Variants in KIAA0930 observed in about 807,000 individuals in gnomAD.
KIAA0930 encodes the protein uncharacterized protein KIAA0930.
In KIAA0930, 24 loss-of-function variants were observed where a neutral mutation model predicts 43.9. The ratio of observed to expected loss-of-function variants is 0.55; its 90% confidence interval spans 0.40 to 0.77. The LOEUF (loss-of-function observed/expected upper bound fraction) is 0.77, where lower values mean the gene tolerates loss of function less well. Among genes scored for constraint, KIAA0930 ranks in the 30% least tolerant of loss-of-function variants. KIAA0930 has a pLI of 0.00. For synonymous variants in KIAA0930, 259 were observed against 216.4 expected (o/e 1.20, Z -1.73); for missense variants, 461 against 574.2 (o/e 0.80, Z 2.02).
At chr22:45,204,851 G>A (rs1372097592) in intron 5 of KIAA0930, among the ~76,000 whole-genome samples, 4 of 152,018 alleles carry the variant, frequency 2.6e-5, no homozygotes, top group Non-Finnish European at 5.9e-5. Context: ...CAGTGCAGGC[G>A]TGGAGGCGCT....
Position 45,219,582 on chromosome 22 carries a change from G to GTT in KIAA0930, c.65-7477_65-7476dup, listed in dbSNP as rs535482000. Among the ~76,000 whole-genome samples the GTT allele has an allele frequency of 4.5e-3, 278 of 61,204 alleles. 28 individuals carry two copies. The highest frequency in any genetic ancestry group is 0.014 in the East Asian group (24 of 1,728). The allele number at this position is 61,204 out of a possible 152,430, so 40.2% of individuals were successfully genotyped here. ...TAACACAGCAGGCCAAGAGGTGATT[G>GTT]TTTTTTTTTTTTTTTTTTTTTTTTT... On this transcript the variant is annotated intron_variant, in intron 1 of 9. Transcript: ENST00000336156.
chr22:45,227,993 A>T (rs746401899), intron 1 of KIAA0930, among the ~76,000 whole-genome samples: 1 of 152,216 alleles, frequency 6.6e-6, no homozygotes, highest in Non-Finnish European at 1.5e-5. Flanking sequence ...GCATGGTCTC[A>T]GGGATGGCCC....
chr22:45,235,407 A>G (rs2083881517), intron 1 of KIAA0930: 1 of 152,258 alleles, frequency 6.6e-6, no homozygotes, highest in Non-Finnish European at 1.5e-5. Flanking sequence ...CAGTCCCAGG[A>G]ACGGGTAGAG....
intron 1 of KIAA0930, chr22:45,212,469 A>T: frequency 6.9e-7 from 1 of 1,446,498 alleles, no homozygotes; most frequent in Non-Finnish European, 9.1e-7. Context: ...GAAGCCGGGA[A>T]GGCTTGGCTG....
At chr22:45,223,544 T>C (rs1244492079) in intron 1 of KIAA0930, among the ~76,000 whole-genome samples, 2 of 152,126 alleles carry the variant, frequency 1.3e-5, no homozygotes, top group African/African-American at 4.8e-5. Flanking sequence ...GCCTTTAAAA[T>C]TGTGCTGGCA....
chr22:45,197,986 T>C, intron 8 of KIAA0930, 38 bp from the exon 9 acceptor site: 1 of 1,609,452 alleles, frequency 6.2e-7, no homozygotes, highest in South Asian at 1.1e-5. Context: ...CCCCACAGCA[T>C]GGGACGCGGC....
At chr22:45,217,360 CAAAAAAAAAA>C (rs58492110) in intron 1 of KIAA0930, among the ~76,000 whole-genome samples, 29 of 68,736 alleles carry the variant, frequency 4.2e-4, no homozygotes, top group Middle Eastern at 8.1e-3. Flanking sequence ...GACCCCGTCT[CAAAAAAAAAA>C]AAAAAAAAAA....
chr22:45,193,338 A>T lies in KIAA0930; in HGVS notation c.*3838T>A, dbSNP rs1345560402. 7.9e-5 allele frequency: 12 copies of T among 152,236 alleles called. No homozygotes were observed. Among genetic ancestry groups the T allele is most frequent in the Admixed American group, 7.2e-4 (11 of 15,282 alleles). 9.4% of individuals were successfully genotyped at this position (152,236 alleles called of 1,614,324 possible). On this transcript the variant is annotated 3_prime_UTR_variant, in exon 10 of 10. Transcript: ENST00000336156. Reference sequence around the variant, plus strand: ...ATGTCTTTAAAGGATTTTGGCCAACAACTTAAAACCACCATATTAGGACAT... The same window carrying T: ...ATGTCTTTAAAGGATTTTGGCCAACTACTTAAAACCACCATATTAGGACAT...
Position 45,199,903 on chromosome 22 carries a change from C to A in KIAA0930, c.985G>T (p.Glu329Ter). 6.3e-7 allele frequency: 1 copy of A among 1,597,220 alleles called. No individual in the cohort carries two copies. Among genetic ancestry groups the A allele is most frequent in the Non-Finnish European group, 8.6e-7 (1 of 1,168,530 alleles). Residue 329 changes from glutamate (E) to a stop codon, truncating the protein, a stop_gained, in exon 8 of 10, where the codon GAG becomes TAG. Coordinates refer to ENST00000336156, the MANE Select transcript of KIAA0930 (RefSeq NM_001009880.2). LOFTEE classifies it high-confidence loss of function. ...CCGTCGTCCTCCCGGAAGAACTCCTCGCTGTCGTTGGCCGAGTGCGACTTC... is the reference window on the plus strand; with the variant it reads ...CCGTCGTCCTCCCGGAAGAACTCCTAGCTGTCGTTGGCCGAGTGCGACTTC... ...MKKSHSANDSEEFFREDDGGA... is the reference protein window; with the variant it reads ...MKKSHSANDS
At chr22:45,209,680 G>A (rs958491232) in intron 2 of KIAA0930, among the ~76,000 whole-genome samples, 13 of 152,274 alleles carry the variant, frequency 8.5e-5, no homozygotes, top group Non-Finnish European at 1.6e-4. Context: ...TGGCCATACC[G>A]TCTGTCTATC....
intron 8 of KIAA0930, among the ~76,000 whole-genome samples, chr22:45,199,131 G>A (rs1248302806): frequency 1.3e-5 from 2 of 152,172 alleles, no homozygotes; most frequent in Non-Finnish European, 2.9e-5. Flanking sequence ...AGAGACTGCT[G>A]AGTGGCATTT....
intron 1 of KIAA0930, among the ~76,000 whole-genome samples, chr22:45,214,600 G>A (rs755529565): frequency 1.1e-4 from 16 of 152,144 alleles, no homozygotes; most frequent in South Asian, 6.2e-4. Flanking sequence ...TCACAGGTGC[G>A]TATAACCATC....
At chr22:45,212,555 C>G in intron 1 of KIAA0930, 1 of 1,397,476 alleles carries the variant, frequency 7.2e-7, no homozygotes, top group Non-Finnish European at 9.3e-7. Context: ...TGCGGCAGTC[C>G]CAGCGGGAAC....
intron 2 of KIAA0930, chr22:45,211,464 G>A (rs1312929174): frequency 1.0e-5 from 4 of 400,424 alleles, no homozygotes; most frequent in Admixed American, 4.3e-5. Context: ...CCACCCTGTC[G>A]AGTTGTTGGG....
intron 8 of KIAA0930, 127 bp from the exon 9 acceptor site, chr22:45,198,075 C>T (rs2083553667): frequency 1.2e-6 from 1 of 853,016 alleles, no homozygotes; most frequent in Non-Finnish European, 1.8e-6. Context: ...ACCAACACCC[C>T]CACACCAGCA....
intron 2 of KIAA0930, among the ~76,000 whole-genome samples, chr22:45,207,924 C>A (rs1404844574): frequency 6.6e-6 from 1 of 152,246 alleles, no homozygotes; most frequent in Non-Finnish European, 1.5e-5. Flanking sequence ...CTCTGCTGTT[C>A]CTCCTGGTCT....
Position 45,197,047 on chromosome 22 carries a change from T to G in KIAA0930, c.*129A>C. 1 of 755,924 alleles carries G rather than the reference T, an allele frequency of 1.3e-6. No homozygotes were observed. Among genetic ancestry groups the G allele is most frequent in the South Asian group, 2.1e-5 (1 of 48,066 alleles). The allele number at this position is 755,924 out of a possible 1,614,324, so 46.8% of individuals were successfully genotyped here. A position where few individuals can be genotyped will look rare whatever the true frequency, so the allele number is the denominator to read the frequency against. ...GTCGGCCCCGGCCCCGGGAGTCGAG[T>G]GGCCTCGCCTGGCTGCGGCTCCAGC... is the stretch of plus-strand genomic sequence containing the variant. On this transcript the variant is annotated 3_prime_UTR_variant, in exon 10 of 10. Coordinates refer to ENST00000336156, the MANE Select transcript of KIAA0930 (RefSeq NM_001009880.2).
intron 1 of KIAA0930, among the ~76,000 whole-genome samples, chr22:45,238,264 C>T (rs1036144578): frequency 2.0e-5 from 3 of 152,196 alleles, no homozygotes; most frequent in Non-Finnish European, 4.4e-5. Context: ...TTCCCATCTC[C>T]GTGGCCCTCC....
At chr22:45,238,483 T>C (rs962067021) in intron 1 of KIAA0930, among the ~76,000 whole-genome samples, 1 of 152,116 alleles carries the variant, frequency 6.6e-6, no homozygotes, top group Non-Finnish European at 1.5e-5. Context: ...AACATGTGCC[T>C]GGCACAAAGA....
Sources: allele counts gnomAD v4.1 joint callset (sites outside exome capture counted in the v4.1 genomes callset), GRCh38; gene constraint gnomAD v4.1.1; transcripts MANE v1.5; gene names NCBI Gene and HGNC (gene_info 2026-07-23, HGNC 2026-07-21).